The following CYP7B1 variants were observed in gnomAD, a reference collection of about 807,000 sequenced individuals.
The protein encoded by CYP7B1 is cytochrome P450 family 7 subfamily B member 1.
Under a neutral mutation model 42.7 loss-of-function variants are expected in CYP7B1, and 29 were observed. The ratio of observed to expected loss-of-function variants is 0.68; its 90% confidence interval spans 0.51 to 0.93. CYP7B1 has a LOEUF of 0.93. CYP7B1 is among the 40% of genes least tolerant of loss of function. CYP7B1 has a pLI of 0.00. For synonymous variants in CYP7B1, 235 were observed against 218.2 expected, an observed-to-expected ratio of 1.08 and a Z score of -0.68; for missense variants, 655 against 600.5, an observed-to-expected ratio of 1.09 and a Z score of -0.95.
chr8:64,651,974 C>A (rs914864494), intron 1 of CYP7B1, among the ~76,000 whole-genome samples: 2 of 152,152 alleles, frequency 1.3e-5, no homozygotes, highest in African/African-American at 4.8e-5. Flanking sequence ...TGTATAAAAT[C>A]TTTAGAAACA....
intron 2 of CYP7B1, among the ~76,000 whole-genome samples, chr8:64,619,801 A>C (rs1585811236): frequency 6.6e-6 from 1 of 152,312 alleles, no homozygotes; most frequent in East Asian, 1.9e-4. Flanking sequence ...TGTCAAACAA[A>C]AAGTTTTGAC....
chr8:64,631,934 G>A (rs943293413), intron 1 of CYP7B1, among the ~76,000 whole-genome samples: 2 of 150,562 alleles, frequency 1.3e-5, no homozygotes, highest in African/African-American at 5.0e-5. Flanking sequence ...TGCTAAGGAT[G>A]TGGAGAAGTG....
At chr8:64,588,984 A>G (rs1437783984), downstream of CYP7B1, among the ~76,000 whole-genome samples, 1 of 152,256 alleles carries the variant, frequency 6.6e-6, no homozygotes, top group Non-Finnish European at 1.5e-5. Flanking sequence ...TTGGAGAAGC[A>G]TCAGGCATAC....
At chr8:64,697,592 A>T (rs1806848324) in intron 1 of CYP7B1, among the ~76,000 whole-genome samples, 1 of 152,212 alleles carries the variant, frequency 6.6e-6, no homozygotes, top group Admixed American at 6.6e-5. Context: ...GAATGAAGGA[A>T]GAACTAATAG....
intron 1 of CYP7B1, among the ~76,000 whole-genome samples, chr8:64,724,280 G>C (rs1219457340): frequency 6.6e-6 from 1 of 152,078 alleles, no homozygotes; most frequent in African/African-American, 2.4e-5. Context: ...CGAAGTAGCT[G>C]GGACTACAGG....
chr8:64,604,465 CTGTATT>C (rs1805246135), intron 5 of CYP7B1, among the ~76,000 whole-genome samples: 4 of 152,204 alleles, frequency 2.6e-5, no homozygotes, highest in Admixed American at 2.6e-4. Context: ...AGTCTCATCA[CTGTATT>C]TCTCTTTATA....
At chr8:64,766,835 C>T (rs768450441) in intron 1 of CYP7B1, among the ~76,000 whole-genome samples, 12 of 152,282 alleles carry the variant, frequency 7.9e-5, no homozygotes, top group Non-Finnish European at 1.2e-4. Context: ...ATCACCTTCA[C>T]GGAGCCCCAG....
chr8:64,759,888 T>C (rs1807860583), intron 1 of CYP7B1, among the ~76,000 whole-genome samples: 2 of 152,162 alleles, frequency 1.3e-5, no homozygotes, highest in South Asian at 2.1e-4. Context: ...GAAAAAAATA[T>C]ACAAAAGTTA....
chr8:64,704,122 TTAAA>T (rs1378562130), intron 1 of CYP7B1: 1 of 152,090 alleles, frequency 6.6e-6, no homozygotes, highest in Non-Finnish European at 1.5e-5. Context: ...ATTTCTATTT[TTAAA>T]AAGAGGAAAG....
At chr8:64,599,346 G>A (rs998340277) in intron 5 of CYP7B1, among the ~76,000 whole-genome samples, 3 of 151,894 alleles carry the variant, frequency 2.0e-5, no homozygotes, top group Middle Eastern at 3.2e-3. Context: ...CCACCACCAC[G>A]CCCGGCTAAT....
chr8:64,611,257 T>A (rs1286980242), intron 4 of CYP7B1, among the ~76,000 whole-genome samples: 5 of 152,118 alleles, frequency 3.3e-5, no homozygotes, highest in Admixed American at 6.6e-5. Flanking sequence ...AGACCTGCCT[T>A]TCTTCTTAAT....
chr8:64,655,487 G>C (rs773014877), intron 1 of CYP7B1, among the ~76,000 whole-genome samples: 4 of 152,166 alleles, frequency 2.6e-5, no homozygotes, highest in African/African-American at 4.8e-5. Context: ...TCTCACACCA[G>C]TCAGAATGGC....
At chr8:64,654,057 C>T (rs1806081650) in intron 1 of CYP7B1, among the ~76,000 whole-genome samples, 1 of 152,108 alleles carries the variant, frequency 6.6e-6, no homozygotes, top group Non-Finnish European at 1.5e-5. Context: ...AACCTACAGC[C>T]AACATCATAC....
chr8:64,745,692 G>A (rs1246613330), intron 1 of CYP7B1, among the ~76,000 whole-genome samples: 1 of 152,128 alleles, frequency 6.6e-6, no homozygotes. Context: ...GTTTCCTACT[G>A]AGGTACATAT....
At chr8:64,601,051 A>G (rs1170800847) in intron 5 of CYP7B1, among the ~76,000 whole-genome samples, 3 of 152,180 alleles carry the variant, frequency 2.0e-5, no homozygotes, top group Admixed American at 6.5e-5. Context: ...ATTTTGCAAT[A>G]CAGATAAAAA....
chr8:64,742,318 T>C (rs1807582044), intron 1 of CYP7B1, among the ~76,000 whole-genome samples: 1 of 152,176 alleles, frequency 6.6e-6, no homozygotes, highest in Non-Finnish European at 1.5e-5. Context: ...ATCGTTTTAA[T>C]GTATGCATTT....
rs1026471875 is a variant in CYP7B1, at chr8:64,690,510, G to T, written c.123-65971C>A. On this transcript the variant is annotated intron_variant, in intron 1 of 5. Coordinates refer to ENST00000310193, the MANE Select transcript of CYP7B1 (RefSeq NM_004820.5). The stretch of plus-strand genomic sequence containing the variant: ...TATTTACAGCCTTCTTTGAAGCCAA[G>T]AAACTATGAGGCCATAAAAATTTCT... Among the ~76,000 whole-genome samples, 56 of 152,250 alleles carry T rather than the reference G, an allele frequency of 3.7e-4. 1 individual carries two copies. Among genetic ancestry groups the T allele is most frequent in the African/African-American group, 1.3e-3 (54 of 41,538 alleles).
At chr8:64,639,021 G>T (rs1805814798) in intron 1 of CYP7B1, among the ~76,000 whole-genome samples, 2 of 151,930 alleles carry the variant, frequency 1.3e-5, no homozygotes, top group Non-Finnish European at 2.9e-5. Context: ...CTCTCCTTCT[G>T]GTTCCTCAGA....
chr8:64,660,671 G>A (rs1419164935), intron 1 of CYP7B1, among the ~76,000 whole-genome samples: 1 of 152,202 alleles, frequency 6.6e-6, no homozygotes, highest in Non-Finnish European at 1.5e-5. Flanking sequence ...AATATTGGAA[G>A]TAAATTCCCA....
Sources: gnomAD v4.1 joint callset for allele counts (sites outside exome capture counted in the v4.1 genomes callset) on GRCh38, gnomAD v4.1.1 for gene constraint, MANE v1.5 for transcripts, NCBI Gene and HGNC (gene_info 2026-07-23, HGNC 2026-07-21) for gene names.